Variants in GNA14 observed in about 807,000 individuals in gnomAD.
The protein encoded by GNA14 is guanine nucleotide-binding protein subunit alpha-14.
In GNA14, 50 loss-of-function variants were observed where a neutral mutation model predicts 42.0. The ratio of observed to expected loss-of-function variants is 1.19; its 90% CI spans 0.95 to 1.51. The LOEUF is 1.51. Among genes scored for constraint, GNA14 ranks in the 40% most tolerant of loss-of-function variants. The pLI, the probability that GNA14 is intolerant of heterozygous loss-of-function variation, is 0.00. For synonymous variants in GNA14, 173 were observed against 163.1 expected (o/e 1.06, Z -0.46); for missense variants, 473 against 446.2 (o/e 1.06, Z -0.54).
Position 77,647,909 on chromosome 9 carries a change from G to A in GNA14, c.-116C>T. 2 of 1,258,690 alleles carry A rather than the reference G, an allele frequency of 1.6e-6. No homozygotes were observed. Among genetic ancestry groups the A allele is most frequent in the African/African-American group, 1.5e-5 (1 of 65,304 alleles). 78.0% of individuals were successfully genotyped at this position (1,258,690 alleles called of 1,614,324 possible). A position where few individuals can be genotyped will look rare whatever the true frequency, so the allele number is the denominator to read the frequency against. On this transcript the variant is annotated 5_prime_UTR_variant, in exon 1 of 7. Coordinates refer to ENST00000341700, the MANE Select transcript of GNA14 (RefSeq NM_004297.4). ...CACAGGGGTGTGGAAAGAAAAGACG[G>A]GGGCCGACTTGAGCTTTGGAGTAAG...
At chr9:77,568,650 C>G (rs1823010451) in intron 1 of GNA14, among the ~76,000 whole-genome samples, 1 of 152,140 alleles carries the variant, frequency 6.6e-6, no homozygotes, top group African/African-American at 2.4e-5. Context: ...GACGGCAGAG[C>G]CCCTCACAAC....
chr9:77,483,393 G>A (rs534336570), intron 2 of GNA14, among the ~76,000 whole-genome samples: 2 of 152,164 alleles, frequency 1.3e-5, no homozygotes, highest in Non-Finnish European at 2.9e-5. Context: ...GCGGATATGG[G>A]TGACCTGCAA....
At chr9:77,607,727 A>T (rs1165763855) in intron 1 of GNA14, among the ~76,000 whole-genome samples, 5 of 152,062 alleles carry the variant, frequency 3.3e-5, no homozygotes, top group Admixed American at 6.5e-5. Context: ...CAAGATCAAG[A>T]TTTTCGCCAA....
intron 2 of GNA14, among the ~76,000 whole-genome samples, chr9:77,499,107 G>A (rs1477058783): frequency 1.3e-5 from 2 of 152,174 alleles, no homozygotes; most frequent in South Asian, 2.1e-4. Flanking sequence ...CATTAGAAAC[G>A]TAAGATGGTA....
At chr9:77,545,530 G>A (rs746103950) in intron 1 of GNA14, among the ~76,000 whole-genome samples, 7 of 152,176 alleles carry the variant, frequency 4.6e-5, no homozygotes, top group South Asian at 2.1e-4. Context: ...TTATGAATGC[G>A]TGGTCAAAGT....
chr9:77,493,022 AAAAAAT>A (rs1564030831), intron 2 of GNA14, among the ~76,000 whole-genome samples: 26 of 74,964 alleles, frequency 3.5e-4, no homozygotes, highest in African/African-American at 1.6e-3. Flanking sequence ...AAAAAAAAAA[AAAAAAT>A]ATATATATAT....
intron 2 of GNA14, among the ~76,000 whole-genome samples, chr9:77,437,896 G>A (rs1482161320): frequency 3.3e-5 from 5 of 152,168 alleles, no homozygotes; most frequent in East Asian, 3.8e-4. Context: ...TTGTTAGTGC[G>A]GCATGACCTA....
intron 1 of GNA14, among the ~76,000 whole-genome samples, chr9:77,646,343 T>C (rs1824351139): frequency 6.6e-6 from 1 of 152,098 alleles, no homozygotes; most frequent in African/African-American, 2.4e-5. Flanking sequence ...GGGTATTCAT[T>C]CCATCCAGGT....
chr9:77,520,185 T>A (rs992103589), intron 2 of GNA14, among the ~76,000 whole-genome samples: 1 of 152,190 alleles, frequency 6.6e-6, no homozygotes, highest in African/African-American at 2.4e-5. Flanking sequence ...AATCAGTTAA[T>A]AAGCAAATCG....
intron 1 of GNA14, among the ~76,000 whole-genome samples, chr9:77,543,142 T>A (rs1837679360): frequency 6.6e-6 from 1 of 152,216 alleles, no homozygotes; most frequent in Non-Finnish European, 1.5e-5. Context: ...CCTCTCCTCT[T>A]CCTTCTTGGC....
chr9:77,501,879 T>C (rs1356188802), intron 2 of GNA14, among the ~76,000 whole-genome samples: 2 of 151,974 alleles, frequency 1.3e-5, no homozygotes, highest in Non-Finnish European at 2.9e-5. Flanking sequence ...CCCAGCTAGT[T>C]TATGTATTTT....
At position 77,428,931 on chromosome 9, in the gene GNA14, C is replaced by G. The variant is rs767278208; in HGVS notation, c.699G>C (p.Gln233His). ...CCTCGTTGTCACACTCAGCCAGGAC[C>G]TGGTCATATTCACTCAGAGCAACCA... ...IFLVALSEYD[Q>H]VLAECDNENR... Residue 233 changes from glutamine to histidine, a missense_variant, in exon 5 of 7, where the codon CAG becomes CAC. By Grantham distance (24) the Gln-to-His change is conservative (BLOSUM62 0). Coordinates refer to ENST00000341700, the MANE Select transcript of GNA14 (RefSeq NM_004297.4). 1 of 1,613,972 alleles carries G rather than the reference C, an allele frequency of 6.2e-7. No individual in the cohort carries two copies. The highest frequency in any genetic ancestry group is 1.1e-5 in the South Asian group (1 of 91,058).
At chr9:77,560,295 T>G (rs1822859813) in intron 1 of GNA14, among the ~76,000 whole-genome samples, 1 of 147,680 alleles carries the variant, frequency 6.8e-6, no homozygotes, top group African/African-American at 2.5e-5. Flanking sequence ...TCTTTTTTTT[T>G]TTTTTTTTTT....
intron 2 of GNA14, among the ~76,000 whole-genome samples, chr9:77,511,205 A>C (rs1837162415): frequency 6.6e-6 from 1 of 152,112 alleles, no homozygotes; most frequent in Non-Finnish European, 1.5e-5. Context: ...TTCCCCCTAT[A>C]GTTCAGAAGC....
In GNA14 at chr9:77,500,584, A is replaced by G. The variant is rs544328088; in HGVS notation, c.309+28485T>C. Reference sequence around the variant, plus strand: ...GAATCCTTCATGTTGCTCTACAGCCATAACCACTTCCCTCCCATCCCCATC... The same window carrying G: ...GAATCCTTCATGTTGCTCTACAGCCGTAACCACTTCCCTCCCATCCCCATC... On this transcript the variant is annotated intron_variant, in intron 2 of 6. Coordinates refer to ENST00000341700, the MANE Select transcript of GNA14 (RefSeq NM_004297.4). Among the ~76,000 whole-genome samples the G allele has an allele frequency of 7.2e-5, 11 of 152,308 alleles. No individual in the cohort carries two copies. The South Asian group carries it at 2.3e-3, about 32-fold the overall frequency.
intron 1 of GNA14, among the ~76,000 whole-genome samples, chr9:77,619,920 T>G (rs1357517686): frequency 6.6e-6 from 1 of 152,202 alleles, no homozygotes; most frequent in African/African-American, 2.4e-5. Context: ...ACAAACCTGT[T>G]TTGATACACT....
intron 1 of GNA14, among the ~76,000 whole-genome samples, chr9:77,639,110 A>T (rs1025652706): frequency 7.2e-5 from 11 of 152,190 alleles, no homozygotes; most frequent in African/African-American, 2.4e-4. Flanking sequence ...ATTTTATGGA[A>T]AATATCACAT....
intron 2 of GNA14, among the ~76,000 whole-genome samples, chr9:77,513,502 T>C (rs964387829): frequency 4.6e-5 from 7 of 152,258 alleles, no homozygotes; most frequent in African/African-American, 1.7e-4. Flanking sequence ...ACACTCATTT[T>C]AGCGCCCAGA....
intron 2 of GNA14, chr9:77,526,620 G>T (rs376488894): frequency 6.6e-6 from 1 of 152,398 alleles, no homozygotes; most frequent in East Asian, 1.9e-4. Flanking sequence ...GCCAACGGAC[G>T]GCAAGGATTT....
Sources: allele counts gnomAD v4.1 joint callset (sites outside exome capture counted in the v4.1 genomes callset), GRCh38; gene constraint gnomAD v4.1.1; transcripts MANE v1.5; gene names NCBI Gene and HGNC (gene_info 2026-07-23, HGNC 2026-07-21).